YBEY: variants seen among roughly 807,000 people sequenced by gnomAD.
YBEY encodes the protein endoribonuclease YbeY.
Under a neutral mutation model 13.5 loss-of-function variants are expected in YBEY, and 15 were observed. That is an observed-to-expected ratio of 1.11 (90% confidence interval 0.75 to 1.72). YBEY has a LOEUF of 1.72. Ranked by LOEUF, YBEY falls within the 40% of genes most tolerant of loss-of-function variation. The pLI is 0.00. For missense variants in YBEY, 244 were observed against 208.4 expected, an observed-to-expected ratio of 1.17 and a Z score of -1.05; for synonymous variants, 101 against 83.1, an observed-to-expected ratio of 1.21 and a Z score of -1.17.
intron 4 of YBEY, among the ~76,000 whole-genome samples, chr21:46,296,674 G>C (rs887399000): frequency 6.6e-6 from 1 of 152,178 alleles, no homozygotes; most frequent in Non-Finnish European, 1.5e-5. Flanking sequence ...TTCTCTGAAA[G>C]TCATGAAAAA....
At chr21:46,290,071 G>A (rs568056780) in intron 2 of YBEY, among the ~76,000 whole-genome samples, 1 of 94,914 alleles carries the variant, frequency 1.1e-5, no homozygotes, top group East Asian at 3.1e-4. Flanking sequence ...TGCAGTTTTT[G>A]CCATCTTTAG....
At chr21:46,312,066 C>T in the YBEY span, among the ~76,000 whole-genome samples, 76 of 148,302 alleles carry the variant, frequency 5.1e-4, no homozygotes, top group African/African-American at 1.7e-4. Context: ...CAACCACCCA[C>T]CCATCCATCC....
At chr21:46,290,425 C>T (rs2081651552) in intron 2 of YBEY, among the ~76,000 whole-genome samples, 1 of 151,676 alleles carries the variant, frequency 6.6e-6, no homozygotes. Flanking sequence ...AGGCTGGTGT[C>T]AAACCCCTGA....
the YBEY span, among the ~76,000 whole-genome samples, chr21:46,308,306 C>A: frequency 6.6e-6 from 1 of 151,866 alleles, no homozygotes; most frequent in South Asian, 2.1e-4. Flanking sequence ...ACTAAAAATA[C>A]AAAAATCAGC....
chr21:46,300,718 C>T, downstream of YBEY: 8 of 1,286,852 alleles, frequency 6.2e-6, no homozygotes, highest in Non-Finnish European at 8.1e-6. Context: ...CTGTCTCCTA[C>T]CTGCAAACTT....
intron 3 of YBEY, among the ~76,000 whole-genome samples, chr21:46,294,770 A>ACT (rs926712006): frequency 8.8e-5 from 9 of 101,976 alleles, no homozygotes; most frequent in Non-Finnish European, 1.8e-4. Flanking sequence ...AAAAAAAAAA[A>ACT]AAAAAAGGAA....
chr21:46,310,655 A>G, the YBEY span, among the ~76,000 whole-genome samples: 2 of 151,512 alleles, frequency 1.3e-5, no homozygotes, highest in Non-Finnish European at 2.9e-5. Flanking sequence ...CTGAAAATAC[A>G]AAAATTAGCA....
intron 3 of YBEY, among the ~76,000 whole-genome samples, chr21:46,295,578 A>C (rs2081924275): frequency 1.3e-5 from 2 of 151,720 alleles, no homozygotes; most frequent in Admixed American, 6.6e-5. Context: ...CCAGGGGGAC[A>C]TGGCGACTGT....
downstream of YBEY, chr21:46,301,838 G>GC: frequency 7.9e-7 from 1 of 1,268,360 alleles, no homozygotes; most frequent in South Asian, 3.0e-5. Context: ...AAGCGAGCCT[G>GC]CCCAGCTTCC....
In YBEY at chr21:46,287,124, G is replaced by GGAAAAA. The variant is rs1555917355; in HGVS notation, c.210+1_210+2insGAAAAA. The GGAAAAA allele has an allele frequency of 8.2e-7, 1 of 1,216,156 alleles. No homozygotes were observed. 75.3% of individuals were successfully genotyped at this position (1,216,156 alleles called of 1,614,324 possible). ...TGTGCTTTCTTTTCCATTTCATGAGGTAAAAAAAAAATGTTCCTCTTCTTG... is the reference window on the plus strand; with the variant it reads ...TGTGCTTTCTTTTCCATTTCATGAGGGAAAAATAAAAAAAAAATGTTCCTCTTCTTG... On this transcript the variant is annotated splice_donor_variant, in intron 2 of 4. Transcript: ENST00000397701. LOFTEE classifies it high-confidence loss of function.
chr21:46,286,931 A>C lies in YBEY; in HGVS notation c.18A>C (p.Arg6Ser), dbSNP rs772127384. The C allele has an allele frequency of 6.2e-7, 1 of 1,613,986 alleles. No homozygotes were observed. The highest frequency in any genetic ancestry group is 1.7e-5 in the Admixed American group (1 of 59,954). ...TTCCTGAAATGAGTTTGGTGATTAG[A>C]AATCTGCAGCGAGTCATCCCCATCA... MSLVIRNLQRVIPIRR... is the reference protein window; with the variant it reads MSLVISNLQRVIPIRR... The change falls in exon 2 of 5, where the codon AGA becomes AGC. Residue 6 changes from arginine to serine, a missense_variant. Transcript: ENST00000397701.
chr21:46,309,450 A>G, the YBEY span, among the ~76,000 whole-genome samples: 1 of 151,160 alleles, frequency 6.6e-6, no homozygotes, highest in Non-Finnish European at 1.5e-5. Context: ...CAAAAGAGCA[A>G]GACTCCGTCT....
chr21:46,298,097 C>T (rs1353211635), downstream of YBEY, among the ~76,000 whole-genome samples: 3 of 152,250 alleles, frequency 2.0e-5, no homozygotes, highest in Non-Finnish European at 2.9e-5. Flanking sequence ...TTCCCCGGGG[C>T]CTCCCGGCCA....
At chr21:46,305,327 C>CTTTTTT in the YBEY span, among the ~76,000 whole-genome samples, 1 of 109,188 alleles carries the variant, frequency 9.2e-6, no homozygotes, top group Non-Finnish European at 1.9e-5. Context: ...ACAAATTAAT[C>CTTTTTT]TTTTTTTTTT....
the YBEY span, among the ~76,000 whole-genome samples, chr21:46,309,789 G>A: frequency 6.6e-6 from 1 of 151,984 alleles, no homozygotes; most frequent in Non-Finnish European, 1.5e-5. Flanking sequence ...GAGGTCAGGA[G>A]TTCAAGACCA....
intron 3 of YBEY, among the ~76,000 whole-genome samples, chr21:46,294,780 A>G (rs1289537553): frequency 6.8e-6 from 1 of 147,356 alleles, no homozygotes; most frequent in Admixed American, 6.8e-5. Flanking sequence ...AAAAAAAGGA[A>G]AAGCATTCTG....
intron 3 of YBEY, 137 bp downstream of exon 3, chr21:46,291,599 T>A: frequency 6.7e-7 from 1 of 1,481,552 alleles, no homozygotes; most frequent in Non-Finnish European, 8.9e-7. Flanking sequence ...GTAAGCAGGG[T>A]GTGAGGAGCA....
At chr21:46,290,969 C>T (rs2081675694) in intron 2 of YBEY, among the ~76,000 whole-genome samples, 1 of 147,816 alleles carries the variant, frequency 6.8e-6, no homozygotes, top group South Asian at 2.1e-4. Context: ...TGCTTGAACC[C>T]AGGAGGCGGA....
At chr21:46,305,190 G>A in the YBEY span, among the ~76,000 whole-genome samples, 21 of 152,228 alleles carry the variant, frequency 1.4e-4, no homozygotes, top group African/African-American at 3.4e-4. Flanking sequence ...GTAGTCCGAC[G>A]GGTGGAGTCT....
Sources: allele counts gnomAD v4.1 joint callset (sites outside exome capture counted in the v4.1 genomes callset), GRCh38; gene constraint gnomAD v4.1.1; transcripts MANE v1.5; gene names NCBI Gene and HGNC (gene_info 2026-07-23, HGNC 2026-07-21).